FAM133B: variants seen among roughly 807,000 people sequenced by gnomAD.
The protein encoded by FAM133B is protein FAM133B.
In FAM133B, 25 loss-of-function variants were observed where a neutral mutation model predicts 46.4. The observed-to-expected ratio is 0.54, with a 90% CI of 0.39 to 0.75. The LOEUF is 0.75. Ranked by LOEUF, FAM133B falls within the 30% of genes least tolerant of loss-of-function variation. The pLI is 0.00. For missense variants in FAM133B, 205 were observed against 277.6 expected, an observed-to-expected ratio of 0.74 and a Z score of 1.86; for synonymous variants, 75 against 86.0, an observed-to-expected ratio of 0.87 and a Z score of 0.71.
At chr7:92,567,587 AT>A (rs1794394408) in intron 9 of FAM133B, among the ~76,000 whole-genome samples, 1 of 152,136 alleles carries the variant, frequency 6.6e-6, no homozygotes, top group African/African-American at 2.4e-5. Context: ...CAATATTTTT[AT>A]TGTTATTCTT....
At chr7:92,589,350 C>T (rs1315709710) in intron 1 of FAM133B, among the ~76,000 whole-genome samples, 1 of 152,214 alleles carries the variant, frequency 6.6e-6, no homozygotes, top group African/African-American at 2.4e-5. Flanking sequence ...CTCAAAAGCA[C>T]CTTTTCTTTT....
At chr7:92,577,810 G>T in intron 5 of FAM133B, 93 bp from the exon 6 acceptor site, 1 of 1,009,356 alleles carries the variant, frequency 9.9e-7, no homozygotes, top group Non-Finnish European at 1.5e-6. Flanking sequence ...TCAATCTAGT[G>T]TCTGAGAAAC....
At chr7:92,567,222 A>C (rs531770486) in intron 9 of FAM133B, among the ~76,000 whole-genome samples, 283 of 152,332 alleles carry the variant, frequency 1.9e-3, no homozygotes, top group Non-Finnish European at 3.4e-3. Context: ...GCCTCTAAAA[A>C]AATAAGAATA....
At chr7:92,584,267 A>G (rs17687886) in intron 1 of FAM133B, among the ~76,000 whole-genome samples, 17,643 of 152,088 alleles carry the variant, frequency 0.12, 1,040 homozygotes, top group Non-Finnish European at 0.13. Context: ...TTGATTGAAA[A>G]TGACTACCCT....
At chr7:92,587,068 C>G (rs1795055776) in intron 1 of FAM133B, among the ~76,000 whole-genome samples, 1 of 152,096 alleles carries the variant, frequency 6.6e-6, no homozygotes, top group African/African-American at 2.4e-5. Context: ...AATGGTAGAG[C>G]TGCACAAGTG....
At chr7:92,567,195 C>A (rs547407933) in intron 9 of FAM133B, among the ~76,000 whole-genome samples, 1 of 151,986 alleles carries the variant, frequency 6.6e-6, no homozygotes, top group Non-Finnish European at 1.5e-5. Context: ...CCAGCCTGGG[C>A]GATAGAGCAA....
chr7:92,582,246 CAAAAT>C (rs950035812), intron 1 of FAM133B, among the ~76,000 whole-genome samples: 1 of 125,032 alleles, frequency 8.0e-6, no homozygotes, highest in Non-Finnish European at 1.7e-5. Flanking sequence ...GACTCCCTCT[CAAAAT>C]AAAATAAATA....
At chr7:92,589,563 GAGA>G (rs1451794017) in intron 1 of FAM133B, among the ~76,000 whole-genome samples, 1 of 152,172 alleles carries the variant, frequency 6.6e-6, no homozygotes, top group African/African-American at 2.4e-5. Flanking sequence ...CGACGGCACA[GAGA>G]AGAAAAGTAA....
At chr7:92,564,850 T>G (rs1794287297) in intron 10 of FAM133B, among the ~76,000 whole-genome samples, 1 of 152,252 alleles carries the variant, frequency 6.6e-6, no homozygotes, top group Non-Finnish European at 1.5e-5. Flanking sequence ...GTTTCTTGTT[T>G]GGATACTACT....
Position 92,565,149 on chromosome 7 carries a change from CTTT to C in FAM133B, c.657+862_657+864del, listed in dbSNP as rs72450473. ...CAAACAGAAATTTGAGCTTATATTT[CTTT>C]TTTTTTTTTTTTTTTTAAGACGGAG... On this transcript the variant is annotated intron_variant, in intron 10 of 10. Coordinates refer to ENST00000445716, the MANE Select transcript of FAM133B (RefSeq NM_152789.4). Among the ~76,000 whole-genome samples, 380 of 130,432 alleles carry C rather than the reference CTTT, an allele frequency of 2.9e-3. 1 individual carries two copies. Among genetic ancestry groups the C allele is most frequent in the African/African-American group, 9.5e-3 (336 of 35,528 alleles). 85.6% of individuals were successfully genotyped at this position (130,432 alleles called of 152,430 possible). A position where few individuals can be genotyped will look rare whatever the true frequency, so the allele number is the denominator to read the frequency against.
intron 1 of FAM133B, among the ~76,000 whole-genome samples, chr7:92,584,530 G>C (rs1794984368): frequency 6.6e-6 from 1 of 152,084 alleles, no homozygotes; most frequent in Admixed American, 6.6e-5. Flanking sequence ...ATAAATCTTT[G>C]ACATACTTCT....
intron 9 of FAM133B, among the ~76,000 whole-genome samples, chr7:92,567,908 T>A (rs1794410999): frequency 6.6e-6 from 1 of 150,692 alleles, no homozygotes; most frequent in South Asian, 2.1e-4. Flanking sequence ...GGATTGCGGG[T>A]CTGTGCCACC....
At chr7:92,563,765 A>G (rs140603611) in intron 10 of FAM133B, among the ~76,000 whole-genome samples, 1 of 152,286 alleles carries the variant, frequency 6.6e-6, no homozygotes, top group Non-Finnish European at 1.5e-5. Flanking sequence ...CTTATCTGTC[A>G]TTTTGCTTAG....
At chr7:92,577,953 C>T in intron 5 of FAM133B, 197 bp downstream of exon 5, 1 of 654,898 alleles carries the variant, frequency 1.5e-6, no homozygotes, top group Non-Finnish European at 2.6e-6. Flanking sequence ...AGAAAATGTA[C>T]TACGTTATAA....
intron 7 of FAM133B, 92 bp from the exon 8 acceptor site, chr7:92,575,913 T>G (rs925508513): frequency 1.3e-5 from 7 of 523,320 alleles, no homozygotes; most frequent in Non-Finnish European, 2.4e-5. Flanking sequence ...ATTTGCTCTA[T>G]GACTGAAAAA....
intron 9 of FAM133B, among the ~76,000 whole-genome samples, chr7:92,569,248 A>C (rs1044138498): frequency 6.6e-6 from 1 of 152,228 alleles, no homozygotes; most frequent in Non-Finnish European, 1.5e-5. Flanking sequence ...AACTTGGCTT[A>C]GATTTTACTG....
chr7:92,577,866 C>T (rs777950229), intron 5 of FAM133B, 149 bp from the exon 6 acceptor site: 9 of 711,634 alleles, frequency 1.3e-5, no homozygotes, highest in South Asian at 2.1e-5. Flanking sequence ...TAAAATGTCA[C>T]ACTTGTTCCC....
At chr7:92,573,741 T>C (rs1794607335) in intron 8 of FAM133B, among the ~76,000 whole-genome samples, 1 of 152,044 alleles carries the variant, frequency 6.6e-6, no homozygotes, top group Non-Finnish European at 1.5e-5. Context: ...TTATATCACA[T>C]CCTTCTGACA....
At chr7:92,575,554 C>G (rs1331187889) in intron 8 of FAM133B, among the ~76,000 whole-genome samples, 1 of 152,154 alleles carries the variant, frequency 6.6e-6, no homozygotes, top group African/African-American at 2.4e-5. Flanking sequence ...CTGAGATAAT[C>G]CATTAATCTA....
Sources: allele counts gnomAD v4.1 joint callset (sites outside exome capture counted in the v4.1 genomes callset), GRCh38; gene constraint gnomAD v4.1.1; transcripts MANE v1.5; gene names NCBI Gene and HGNC (gene_info 2026-07-23, HGNC 2026-07-21).